Variants in MPHOSPH8 observed in about 807,000 individuals in gnomAD.
The protein encoded by MPHOSPH8 is M-phase phosphoprotein 8.
A neutral mutation model predicts 87.3 loss-of-function variants in MPHOSPH8; 45 were observed. The ratio of observed to expected loss-of-function variants is 0.52; its 90% CI spans 0.41 to 0.66. The LOEUF (loss-of-function observed/expected upper bound fraction) is 0.66, where lower values mean the gene tolerates loss of function less well. Ranked by LOEUF, MPHOSPH8 falls within the 30% of genes least tolerant of loss-of-function variation. The pLI is 0.00. For synonymous variants in MPHOSPH8, 366 were observed against 376.9 expected (o/e 0.97, Z 0.33); for missense variants, 883 against 1,020.2 (o/e 0.87, Z 1.83).
intron 9 of MPHOSPH8, among the ~76,000 whole-genome samples, chr13:19,664,785 G>C (rs886736530): frequency 1.3e-5 from 2 of 151,736 alleles, no homozygotes; most frequent in Admixed American, 6.6e-5. Context: ...TGTCACCTCT[G>C]TACATTTCAC....
chr13:19,647,250 G>A lies in MPHOSPH8; in HGVS notation c.1177G>A (p.Gly393Arg), dbSNP rs757494047. The part of the protein sequence containing the change: ...AQTPKGRRLS[G>R]EERGLWSTDS... ...AACGCCAAAGGGCCGGAGGTTGAGC[G>A]GGGAAGAGAGAGGCCTCTGGTCCAC... The change falls in exon 3 of 14, where the codon GGG becomes AGG. Residue 393 changes from glycine to arginine, a missense_variant. By Grantham distance (125) the Gly-to-Arg change is moderately radical (BLOSUM62 -2). This residue lies in a region of MPHOSPH8 where 741 missense variants were observed against 841.5 expected (regional missense o/e 0.88). Transcript: ENST00000361479. 94 of 1,611,024 alleles carry A rather than the reference G, an allele frequency of 5.8e-5. No homozygotes were observed. The highest frequency in any genetic ancestry group is 5.1e-4 in the Admixed American group (30 of 59,044).
chr13:19,653,940 C>T (rs1342485721), intron 5 of MPHOSPH8, among the ~76,000 whole-genome samples: 1 of 152,076 alleles, frequency 6.6e-6, no homozygotes, highest in Non-Finnish European at 1.5e-5. Flanking sequence ...AATTAGTGTA[C>T]GTGAAAGTGA....
chr13:19,661,615 G>A, intron 7 of MPHOSPH8, 83 bp from the exon 8 acceptor site: 1 of 1,414,732 alleles, frequency 7.1e-7, no homozygotes, highest in Non-Finnish European at 9.5e-7. Context: ...ATTTCACATT[G>A]AAACATCTCG....
At chr13:19,668,569 G>C (rs1875947161) in intron 11 of MPHOSPH8, 38 bp downstream of exon 11, 1 of 1,578,190 alleles carries the variant, frequency 6.3e-7, no homozygotes, top group Admixed American at 1.8e-5. Flanking sequence ...TCTATGTGAA[G>C]TGTGACACTA....
intron 5 of MPHOSPH8, among the ~76,000 whole-genome samples, chr13:19,656,237 C>G (rs1875157827): frequency 7.4e-6 from 1 of 135,498 alleles, no homozygotes; most frequent in South Asian, 2.4e-4. Flanking sequence ...TAAAATCGTG[C>G]CACTGCACTT....
At chr13:19,640,739 CAACTT>C (rs1336795116) in intron 1 of MPHOSPH8, among the ~76,000 whole-genome samples, 1 of 151,952 alleles carries the variant, frequency 6.6e-6, no homozygotes, top group Admixed American at 6.6e-5. Context: ...TTTATTCTAA[CAACTT>C]AATAAGAGAT....
intron 5 of MPHOSPH8, among the ~76,000 whole-genome samples, chr13:19,652,895 G>T (rs974687345): frequency 6.6e-6 from 1 of 152,158 alleles, no homozygotes; most frequent in Non-Finnish European, 1.5e-5. Context: ...TCCTCTCTGG[G>T]CAGGGCATCT....
chr13:19,657,408 CTT>C (rs113337674), intron 5 of MPHOSPH8, among the ~76,000 whole-genome samples: 7 of 141,926 alleles, frequency 4.9e-5, no homozygotes, highest in Admixed American at 7.1e-5. Context: ...AAAAAAATAG[CTT>C]TTTTTTTTTT....
intron 1 of MPHOSPH8, among the ~76,000 whole-genome samples, chr13:19,635,632 C>G (rs1212248883): frequency 1.3e-5 from 2 of 152,208 alleles, no homozygotes; most frequent in Non-Finnish European, 2.9e-5. Context: ...ATTGTAAGCA[C>G]TGTATACCTA....
rs1012936064 is a variant in MPHOSPH8 at position 19,663,530 on chromosome 13, G to A, written c.2019+404G>A. ...GAAAGTGCAGGCCTAGGGGTGGGAC[G>A]GAGTTCCTCGTGCACTCTGTGTGTT... On this transcript the variant is annotated intron_variant, in intron 9 of 13. Transcript: ENST00000361479. Among the ~76,000 whole-genome samples the A allele has an allele frequency of 1.8e-4, 27 of 152,340 alleles. 1 individual carries two copies. Among genetic ancestry groups the A allele is most frequent in the Non-Finnish European group, 1.0e-4 (7 of 68,030 alleles).
rs1303436998 is a variant in MPHOSPH8, at chr13:19,646,902, G to A, written c.829G>A (p.Asp277Asn). 3.1e-6 allele frequency: 5 copies of A among 1,603,368 alleles called. No homozygotes were observed. The highest frequency in any genetic ancestry group is 4.2e-6 in the Non-Finnish European group (5 of 1,177,674). ...SVLNDSPFPE[D>N]DSEGLHSDSR... The stretch of plus-strand genomic sequence containing the variant: ...ACTTAATGATTCTCCCTTTCCAGAG[G>A]ATGACAGTGAAGGGCTACATTCCGA... Residue 277 changes from aspartate (D) to asparagine (N), a missense_variant, in exon 3 of 14, where the codon GAT becomes AAT. Around this residue, in one of 3 missense-constraint regions of MPHOSPH8, gnomAD observed 741 missense variants for 841.5 expected, o/e 0.88. Coordinates refer to ENST00000361479, the MANE Select transcript of MPHOSPH8 (RefSeq NM_017520.4).
Position 19,636,793 on chromosome 13 carries a change from T to A in MPHOSPH8, c.213+2832T>A, listed in dbSNP as rs190862435. Among the ~76,000 whole-genome samples, 30 of 152,288 alleles carry A rather than the reference T, an allele frequency of 2.0e-4. No individual in the cohort carries two copies. The East Asian group carries it at 5.0e-3, about 25-fold the overall frequency. ...TGCCAGGCCAATTTTTTAATTTTTT[T>A]AACAAAATTTTAAACTGTTGCTCTA... On this transcript the variant is annotated intron_variant, in intron 1 of 13. Transcript: ENST00000361479.
chr13:19,651,124 G>GAC (rs1292575939), intron 5 of MPHOSPH8, among the ~76,000 whole-genome samples: 1 of 152,200 alleles, frequency 6.6e-6, no homozygotes, highest in Non-Finnish European at 1.5e-5. Flanking sequence ...ATAAGCCTCT[G>GAC]ACACAGTTTG....
chr13:19,648,360 C>G (rs1874675747), intron 3 of MPHOSPH8, 62 bp from the exon 4 acceptor site: 1 of 1,092,830 alleles, frequency 9.2e-7, no homozygotes. Context: ...TTCCGGTTCT[C>G]AAATAAATTT....
chr13:19,654,967 G>A (rs1222093632), intron 5 of MPHOSPH8, among the ~76,000 whole-genome samples: 1 of 151,550 alleles, frequency 6.6e-6, no homozygotes, highest in African/African-American at 2.4e-5. Flanking sequence ...AAAGAAAAAT[G>A]ACAGGCCAAG....
chr13:19,633,977 C>T lies in MPHOSPH8; in HGVS notation c.213+16C>T, dbSNP rs1485950188. On this transcript the variant is annotated intron_variant, in intron 1 of 13. Transcript: ENST00000361479. ...GACCGAGGGGGTATGTGGAGGGGCC[C>T]CGGCGCGGGGCTGGGCGGGGAGCTC... The T allele has an allele frequency of 1.3e-6, 2 of 1,598,322 alleles. No homozygotes were observed. Among genetic ancestry groups the T allele is most frequent in the Admixed American group, 1.8e-5 (1 of 56,350 alleles).
At position 19,661,651 on chromosome 13, in the gene MPHOSPH8, G is replaced by T. The variant is rs779846383; in HGVS notation, c.1792-47G>T. On this transcript the variant is annotated intron_variant, in intron 7 of 13. Coordinates refer to ENST00000361479, the MANE Select transcript of MPHOSPH8 (RefSeq NM_017520.4). ...AGTGAGAAGACTTGGTTCTGAAATTGTTCTGACTAAAGATTAACACGTTTT... is the reference window on the plus strand; with the variant it reads ...AGTGAGAAGACTTGGTTCTGAAATTTTTCTGACTAAAGATTAACACGTTTT... 6 of 1,533,932 alleles carry T rather than the reference G, an allele frequency of 3.9e-6. No individual in the cohort carries two copies. The African/African-American group carries it at 4.1e-5, about 11-fold the overall frequency.
chr13:19,655,001 A>G (rs1018168581), intron 5 of MPHOSPH8, among the ~76,000 whole-genome samples: 2 of 152,140 alleles, frequency 1.3e-5, no homozygotes, highest in African/African-American at 4.8e-5. Flanking sequence ...GTCACACGCA[A>G]AATCCCCCAC....
intron 8 of MPHOSPH8, among the ~76,000 whole-genome samples, chr13:19,662,513 T>C (rs1393894143): frequency 6.6e-6 from 1 of 152,242 alleles, no homozygotes; most frequent in African/African-American, 2.4e-5. Flanking sequence ...GTGCTGGGAT[T>C]ACAGGCATGA....
Sources: gnomAD v4.1 joint callset for allele counts (sites outside exome capture counted in the v4.1 genomes callset) on GRCh38, gnomAD v4.1.1 for gene constraint, gnomAD v4.1.1 regional missense constraint, MANE v1.5 for transcripts, NCBI Gene and HGNC (gene_info 2026-07-23, HGNC 2026-07-21) for gene names.